Variants in SEPTIN10 observed in about 807,000 individuals in gnomAD.
SEPTIN10 encodes the protein septin 10, also known as septin-10.
SEPTIN10 carries 66 observed loss-of-function variants against 54.8 expected under a neutral mutation model. That is an observed-to-expected ratio of 1.21 (90% CI 0.99 to 1.48). The LOEUF is 1.48. Ranked by LOEUF, SEPTIN10 falls within the 40% of genes most tolerant of loss-of-function variation. The pLI is 0.00. For missense variants in SEPTIN10, 620 were observed against 545.6 expected, an observed-to-expected ratio of 1.14 and a Z score of -1.36; for synonymous variants, 161 against 181.0, an observed-to-expected ratio of 0.89 and a Z score of 0.89.
chr2:109,548,848 A>G (rs28567471), intron 9 of SEPTIN10, among the ~76,000 whole-genome samples: 69,592 of 148,768 alleles, frequency 0.47, 17,090 homozygotes, highest in African/African-American at 0.61. Context: ...AGAGACTGAG[A>G]GAAGAAACCA....
At chr2:109,544,424 G>A in intron 10 of SEPTIN10, 100 bp from the exon 11 acceptor site, 12 of 1,425,420 alleles carry the variant, frequency 8.4e-6, no homozygotes, top group South Asian at 3.5e-5. Context: ...TCTGGCCATG[G>A]GACTTTGAAA....
At chr2:109,558,981 G>A (rs1168709545) in intron 8 of SEPTIN10, among the ~76,000 whole-genome samples, 1 of 152,014 alleles carries the variant, frequency 6.6e-6, no homozygotes, top group African/African-American at 2.4e-5. Flanking sequence ...CACCTCCTGG[G>A]TTCAAGCAAT....
At chr2:109,613,423 C>G (rs553122219) in intron 1 of SEPTIN10, 19 of 312,096 alleles carry the variant, frequency 6.1e-5, no homozygotes, top group Admixed American at 3.4e-4. Flanking sequence ...GTGCTCACGG[C>G]TGCAAAAGAT....
intron 10 of SEPTIN10, 78 bp from the exon 11 acceptor site, chr2:109,544,402 T>C: frequency 1.3e-6 from 2 of 1,503,970 alleles, no homozygotes; most frequent in Non-Finnish European, 8.8e-7. Context: ...GCATCTAGTA[T>C]ATTATAGGAT....
chr2:109,602,620 A>G (rs1696860959), intron 1 of SEPTIN10, among the ~76,000 whole-genome samples: 1 of 151,396 alleles, frequency 6.6e-6, no homozygotes, highest in African/African-American at 2.4e-5. Flanking sequence ...GGTTGCAGTG[A>G]GCCGAGATCG....
intron 1 of SEPTIN10, among the ~76,000 whole-genome samples, chr2:109,612,364 C>G (rs578118932): frequency 6.6e-6 from 1 of 152,288 alleles, no homozygotes; most frequent in South Asian, 2.1e-4. Flanking sequence ...CCTCCTGGTC[C>G]TGGGAACATC....
intron 7 of SEPTIN10, among the ~76,000 whole-genome samples, chr2:109,565,324 G>A (rs1686713737): frequency 1.3e-5 from 2 of 152,040 alleles, no homozygotes; most frequent in Non-Finnish European, 2.9e-5. Flanking sequence ...TCATTATAAT[G>A]TCAGCTAAAT....
chr2:109,584,294 A>G (rs1343421097), intron 4 of SEPTIN10, among the ~76,000 whole-genome samples: 1 of 30,776 alleles, frequency 3.2e-5, no homozygotes, highest in Non-Finnish European at 7.3e-5. Context: ...CTGGCCAACA[A>G]GGTGAAACCC....
At chr2:109,583,803 G>A (rs1470461343) in intron 4 of SEPTIN10, among the ~76,000 whole-genome samples, 1 of 152,158 alleles carries the variant, frequency 6.6e-6, no homozygotes, top group Non-Finnish European at 1.5e-5. Flanking sequence ...CTACTACACA[G>A]CCATAAAAAA....
At chr2:109,590,091 T>TAC (rs1474846656) in intron 2 of SEPTIN10, among the ~76,000 whole-genome samples, 40 of 148,410 alleles carry the variant, frequency 2.7e-4, no homozygotes, top group Non-Finnish European at 4.0e-4. Flanking sequence ...TGTATATATA[T>TAC]ACACACATAT....
intron 4 of SEPTIN10, among the ~76,000 whole-genome samples, chr2:109,581,348 A>G (rs923147798): frequency 2.0e-5 from 3 of 152,040 alleles, no homozygotes; most frequent in African/African-American, 7.2e-5. Flanking sequence ...GAGGCTTGAG[A>G]ATCACCTGAA....
Position 109,585,298 on chromosome 2 carries a change from T to C in SEPTIN10, c.241A>G (p.Thr81Ala), listed in dbSNP as rs777169237. 21 of 1,603,450 alleles carry C rather than the reference T, an allele frequency of 1.3e-5. No individual in the cohort carries two copies. The highest frequency in any genetic ancestry group is 3.5e-5 in the Admixed American group (2 of 57,718). Residue 81 changes from threonine (T) to alanine (A), a missense_variant, in exon 4 of 11, where the codon ACA becomes GCA. Transcript: ENST00000397712. ...CVGETGIGKS[T>A]LIDTLFNTNF... ...GTATTAAACAATGTGTCAATCAGTGTTGATTTTCCAATTCCAGTTTCCCCT... is the reference window on the plus strand; with the variant it reads ...GTATTAAACAATGTGTCAATCAGTGCTGATTTTCCAATTCCAGTTTCCCCT...
intron 10 of SEPTIN10, 27 bp from the exon 11 acceptor site, chr2:109,544,351 G>A (rs751892127): frequency 6.4e-6 from 10 of 1,554,036 alleles, no homozygotes; most frequent in African/African-American, 1.4e-5. Flanking sequence ...CCTTTTGATT[G>A]GTACAATTTA....
intron 3 of SEPTIN10, 28 bp from the exon 4 acceptor site, chr2:109,585,349 G>A: frequency 6.5e-7 from 1 of 1,535,856 alleles, no homozygotes; most frequent in Non-Finnish European, 8.8e-7. Context: ...ACATCTTTAT[G>A]GTTGCATGAA....
chr2:109,588,116 A>G (rs1573708844), intron 2 of SEPTIN10, among the ~76,000 whole-genome samples: 2 of 152,226 alleles, frequency 1.3e-5, no homozygotes, highest in East Asian at 3.9e-4. Context: ...CGCCAAAAAA[A>G]AAAGACATCG....
chr2:109,573,078 T>G (rs1487961396), intron 5 of SEPTIN10, among the ~76,000 whole-genome samples: 1 of 152,242 alleles, frequency 6.6e-6, no homozygotes, highest in African/African-American at 2.4e-5. Context: ...AGATAGGCTC[T>G]TACTGGGTAT....
At position 109,583,853 on chromosome 2, in the gene SEPTIN10, G is replaced by A. The variant is rs115098051; in HGVS notation, c.413+1273C>T. Among the ~76,000 whole-genome samples, 105 of 152,270 alleles carry A rather than the reference G, an allele frequency of 6.9e-4. 1 individual carries two copies. Among genetic ancestry groups the A allele is most frequent in the African/African-American group, 2.5e-3 (103 of 41,548 alleles). On this transcript the variant is annotated intron_variant, in intron 4 of 10. Coordinates refer to ENST00000397712, the MANE Select transcript of SEPTIN10 (RefSeq NM_144710.5). ...CTTTTGTACCAACATGGATGAAGCT[G>A]GAGGCCGTTATCCTAAGCAAATTAA...
intron 1 of SEPTIN10, among the ~76,000 whole-genome samples, chr2:109,595,346 C>T (rs2106007435): frequency 6.6e-6 from 1 of 152,276 alleles, no homozygotes; most frequent in Middle Eastern, 3.4e-3. Context: ...TGATACAAAG[C>T]ACATCAGAGA....
intron 4 of SEPTIN10, among the ~76,000 whole-genome samples, chr2:109,576,497 A>G (rs1215025059): frequency 3.9e-5 from 6 of 152,198 alleles, no homozygotes; most frequent in Non-Finnish European, 5.9e-5. Flanking sequence ...AGTGATTATT[A>G]TAACAACAGT....
Sources: gnomAD v4.1 joint callset for allele counts (sites outside exome capture counted in the v4.1 genomes callset) on GRCh38, gnomAD v4.1.1 for gene constraint, MANE v1.5 for transcripts, NCBI Gene and HGNC (gene_info 2026-07-23, HGNC 2026-07-21) for gene names.